Variants in FSHR observed in about 807,000 individuals in gnomAD.
The protein encoded by FSHR is follicle stimulating hormone receptor, also known as follicle-stimulating hormone receptor.
FSHR carries 46 observed loss-of-function variants against 52.1 expected under a neutral mutation model. The observed-to-expected ratio is 0.88, with a 90% CI of 0.70 to 1.13. FSHR has a LOEUF of 1.13. Among genes scored for constraint, FSHR ranks in the 50% most tolerant of loss-of-function variants. The pLI is 0.00. For missense variants in FSHR, 964 were observed against 834.6 expected (o/e 1.16, Z -1.91); for synonymous variants, 399 against 309.6 (o/e 1.29, Z -3.03).
intron 4 of FSHR, chr2:49,015,040 C>T (rs1358391112): frequency 9.3e-6 from 3 of 323,188 alleles, no homozygotes; most frequent in Non-Finnish European, 1.8e-5. Flanking sequence ...TTCTATAGTT[C>T]TTTATAGTTT....
At chr2:49,035,656 G>A (rs892564562) in intron 2 of FSHR, among the ~76,000 whole-genome samples, 12 of 152,228 alleles carry the variant, frequency 7.9e-5, no homozygotes, top group African/African-American at 2.9e-4. Context: ...AACGCTTAGT[G>A]AGAGAAGGGA....
chr2:49,046,828 G>A (rs1264326523), intron 2 of FSHR, among the ~76,000 whole-genome samples: 1 of 152,144 alleles, frequency 6.6e-6, no homozygotes, highest in Admixed American at 6.6e-5. Context: ...AAGTAGAACA[G>A]AACAAACACA....
intron 1 of FSHR, among the ~76,000 whole-genome samples, chr2:49,079,493 G>T (rs951545164): frequency 2.6e-5 from 4 of 152,020 alleles, no homozygotes; most frequent in Non-Finnish European, 4.4e-5. Flanking sequence ...CAGGAAATAT[G>T]ATTTTTCTAA....
intron 4 of FSHR, among the ~76,000 whole-genome samples, chr2:48,996,270 GA>G (rs1260589513): frequency 2.0e-5 from 3 of 152,094 alleles, no homozygotes; most frequent in African/African-American, 7.2e-5. Flanking sequence ...GGCAATGATG[GA>G]TAAGACTAGG....
intron 4 of FSHR, among the ~76,000 whole-genome samples, chr2:49,002,299 A>G (rs1332213707): frequency 1.3e-5 from 2 of 152,096 alleles, no homozygotes; most frequent in South Asian, 2.1e-4. Flanking sequence ...ACCCAGTTTC[A>G]TCTTGCCCCT....
intron 2 of FSHR, among the ~76,000 whole-genome samples, chr2:49,062,897 C>A (rs1334337860): frequency 6.6e-6 from 1 of 151,778 alleles, no homozygotes; most frequent in Non-Finnish European, 1.5e-5. Flanking sequence ...ATAAAAAAAA[C>A]AACAGAAACC....
chr2:48,974,344 C>A (rs528608403), intron 8 of FSHR, among the ~76,000 whole-genome samples: 1 of 152,268 alleles, frequency 6.6e-6, no homozygotes, highest in Non-Finnish European at 1.5e-5. Context: ...AACTTCATTG[C>A]CTTTCCGTTG....
intron 4 of FSHR, among the ~76,000 whole-genome samples, chr2:49,008,440 G>C (rs1573084689): frequency 1.3e-5 from 2 of 151,566 alleles, no homozygotes; most frequent in African/African-American, 4.8e-5. Context: ...TGGACATTTG[G>C]GTTTGTTCCA....
chr2:49,084,667 T>C (rs1252988320), intron 1 of FSHR, among the ~76,000 whole-genome samples: 26 of 152,196 alleles, frequency 1.7e-4, no homozygotes, highest in Admixed American at 6.5e-4. Flanking sequence ...GGGGATATCA[T>C]CACCGATCCC....
At position 48,962,685 on chromosome 2, in the gene FSHR, C is replaced by T; in HGVS notation, c.*48G>A. 1 of 1,575,434 alleles carries T rather than the reference C, an allele frequency of 6.3e-7. No individual in the cohort carries two copies. The highest frequency in any genetic ancestry group is 8.7e-7 in the Non-Finnish European group (1 of 1,145,546). ...CTCTTTGTGACATACCCTTCAAAGG[C>T]AAGACTGAATTATCATTCAATACTC... On this transcript the variant is annotated 3_prime_UTR_variant, in exon 10 of 10. Transcript: ENST00000406846.
At chr2:49,142,540 T>C (rs1672724800) in intron 1 of FSHR, among the ~76,000 whole-genome samples, 1 of 152,234 alleles carries the variant, frequency 6.6e-6, no homozygotes, top group African/African-American at 2.4e-5. Context: ...CACTCCTGAC[T>C]CTCTGGCACC....
At chr2:49,081,023 A>G (rs1670149589) in intron 1 of FSHR, among the ~76,000 whole-genome samples, 1 of 152,160 alleles carries the variant, frequency 6.6e-6, no homozygotes, top group South Asian at 2.1e-4. Context: ...CTATGGAAAG[A>G]CAATAAGAGT....
At chr2:49,009,964 C>T (rs1420712273) in intron 4 of FSHR, among the ~76,000 whole-genome samples, 10 of 123,016 alleles carry the variant, frequency 8.1e-5, no homozygotes, top group South Asian at 8.1e-4. Context: ...ACAATCATGT[C>T]GTCTGCAAAC....
chr2:49,085,877 C>A (rs11890629), intron 1 of FSHR, among the ~76,000 whole-genome samples: 1 of 151,224 alleles, frequency 6.6e-6, no homozygotes, highest in African/African-American at 2.4e-5. Flanking sequence ...AAAAACCAAA[C>A]ACCGCGTGTT....
chr2:49,048,171 C>A (rs1433199020), intron 2 of FSHR, among the ~76,000 whole-genome samples: 2 of 152,020 alleles, frequency 1.3e-5, no homozygotes, highest in African/African-American at 4.8e-5. Flanking sequence ...CAGATGTGAG[C>A]CATCGTGGCC....
At chr2:48,964,108 C>T in intron 9 of FSHR, 142 bp from the exon 10 acceptor site, 13 of 716,634 alleles carry the variant, frequency 1.8e-5, no homozygotes, top group South Asian at 3.5e-5. Context: ...GCCCTTGAGG[C>T]TAACCTCAAG....
At chr2:49,013,463 A>AATATATATATATATATATAAATAAAT (rs373195880) in intron 4 of FSHR, among the ~76,000 whole-genome samples, 2 of 133,256 alleles carry the variant, frequency 1.5e-5, no homozygotes, top group South Asian at 4.7e-4. Flanking sequence ...TATATATATA[A>AATATATATATATATATATAAATAAAT]ATATATATAT....
Position 49,126,757 on chromosome 2 carries a change from G to A in FSHR, c.152+27509C>T, listed in dbSNP as rs146233885. On this transcript the variant is annotated intron_variant, in intron 1 of 9. Transcript: ENST00000406846. ...TAGGTTATGTAATGATGTGCTCTTC[G>A]TACTGCAACCACAGCCCAGGTCTTT... 1.4e-4 allele frequency among the ~76,000 whole-genome samples: 22 copies of A among 152,248 alleles called. No homozygotes were observed. In the East Asian group the frequency reaches 1.5e-3, roughly 11 times the overall value.
intron 2 of FSHR, among the ~76,000 whole-genome samples, chr2:49,038,311 T>A (rs1668345574): frequency 6.6e-6 from 1 of 152,150 alleles, no homozygotes. Flanking sequence ...TATTAAATAC[T>A]TACACAGTTA....
Sources: allele counts gnomAD v4.1 joint callset (sites outside exome capture counted in the v4.1 genomes callset), GRCh38; gene constraint gnomAD v4.1.1; transcripts MANE v1.5; gene names NCBI Gene and HGNC (gene_info 2026-07-23, HGNC 2026-07-21).